USP4: variants seen among roughly 807,000 people sequenced by gnomAD.
USP4 encodes the protein ubiquitin specific peptidase 4.
USP4 carries 72 observed loss-of-function variants against 118.2 expected under a neutral mutation model. The ratio of observed to expected loss-of-function variants is 0.61; its 90% CI spans 0.50 to 0.74. The LOEUF (loss-of-function observed/expected upper bound fraction) is 0.74. Ranked by LOEUF, USP4 falls within the 30% of genes least tolerant of loss-of-function variation. USP4 has a pLI of 0.00. For synonymous variants in USP4, 415 were observed against 440.4 expected (o/e 0.94, Z 0.72); for missense variants, 1,037 against 1,185.7 (o/e 0.87, Z 1.84).
In USP4 at chr3:49,283,249, T is replaced by C. The variant is rs572527657; in HGVS notation, c.2540+738A>G. On this transcript the variant is annotated intron_variant, in intron 19 of 21. Coordinates refer to ENST00000265560, the MANE Select transcript of USP4 (RefSeq NM_003363.4). Reference sequence around the variant, plus strand: ...CAGGATGGTCTCGATCTCCAGACCTTGTGATCTGCCCACCTTGGCCTCCCA... The same window carrying C: ...CAGGATGGTCTCGATCTCCAGACCTCGTGATCTGCCCACCTTGGCCTCCCA... Among the ~76,000 whole-genome samples the C allele has an allele frequency of 8.8e-3, 1,266 of 143,922 alleles. 17 individuals are homozygous for C. The highest frequency in any genetic ancestry group is 0.028 in the African/African-American group (1,085 of 38,676). The allele number at this position is 143,922 out of a possible 152,430, so 94.4% of individuals were successfully genotyped here.
chr3:49,338,611 G>A (rs1324945456), intron 1 of USP4, among the ~76,000 whole-genome samples: 59 of 142,954 alleles, frequency 4.1e-4, no homozygotes, highest in Non-Finnish European at 7.0e-4. Flanking sequence ...GCCGTGACCC[G>A]AGATCGCGCC....
chr3:49,328,373 T>C (rs1244434371), intron 2 of USP4, among the ~76,000 whole-genome samples: 1 of 151,560 alleles, frequency 6.6e-6, no homozygotes, highest in Non-Finnish European at 1.5e-5. Context: ...AAATAAATCA[T>C]ACATGAGGTG....
chr3:49,310,109 C>CA (rs1428497270), intron 8 of USP4, among the ~76,000 whole-genome samples: 1 of 150,844 alleles, frequency 6.6e-6, no homozygotes, highest in Non-Finnish European at 1.5e-5. Flanking sequence ...CCACCACACC[C>CA]AGCTAATTTT....
chr3:49,298,453 TAAC>T, intron 12 of USP4, 96 bp downstream of exon 12: 4 of 1,147,894 alleles, frequency 3.5e-6, no homozygotes, highest in South Asian at 1.3e-5. Flanking sequence ...GTGCTGGCAA[TAAC>T]AACAACCCCA....
At chr3:49,280,982 T>C (rs936608049) in intron 19 of USP4, 135 bp from the exon 20 acceptor site, 5 of 636,594 alleles carry the variant, frequency 7.9e-6, no homozygotes, top group African/African-American at 1.8e-5. Context: ...GAGACCAAGA[T>C]GGAAGGGACT....
intron 4 of USP4, among the ~76,000 whole-genome samples, chr3:49,325,330 G>C (rs1365597428): frequency 6.6e-6 from 1 of 151,878 alleles, no homozygotes; most frequent in Non-Finnish European, 1.5e-5. Flanking sequence ...GGCTTCAAAA[G>C]CTAGCTCCAC....
At chr3:49,282,778 G>A (rs1257164290) in intron 19 of USP4, among the ~76,000 whole-genome samples, 1 of 150,724 alleles carries the variant, frequency 6.6e-6, no homozygotes, top group African/African-American at 2.4e-5. Flanking sequence ...CACAATCTTG[G>A]CTCACTGCAA....
At chr3:49,296,432 G>A (rs570354152) in intron 13 of USP4, among the ~76,000 whole-genome samples, 4 of 152,194 alleles carry the variant, frequency 2.6e-5, no homozygotes, top group South Asian at 2.1e-4. Context: ...GGTGGATCAC[G>A]AGGTCAGGAG....
At chr3:49,316,955 AGCTGC>A (rs781136040) in intron 6 of USP4, 3 of 631,082 alleles carry the variant, frequency 4.8e-6, no homozygotes, top group Non-Finnish European at 8.4e-6. Flanking sequence ...GGAGGTTGGC[AGCTGC>A]CCCTCTTAGC....
intron 10 of USP4, among the ~76,000 whole-genome samples, 194 bp downstream of exon 10, chr3:49,302,190 A>T (rs901396181): frequency 3.7e-5 from 5 of 133,846 alleles, no homozygotes; most frequent in Admixed American, 7.6e-5. Context: ...GTCTCTATTT[A>T]AAAAAAAAAA....
chr3:49,291,028 G>T (rs2047145982), intron 15 of USP4, among the ~76,000 whole-genome samples: 1 of 151,864 alleles, frequency 6.6e-6, no homozygotes, highest in African/African-American at 2.4e-5. Context: ...GAGTGCAGTG[G>T]CGTGATCTTG....
chr3:49,301,832 T>C (rs893799554), intron 10 of USP4, among the ~76,000 whole-genome samples: 1 of 152,204 alleles, frequency 6.6e-6, no homozygotes, highest in African/African-American at 2.4e-5. Flanking sequence ...GCTGAAATAC[T>C]AAAATCCTCT....
intron 15 of USP4, among the ~76,000 whole-genome samples, chr3:49,291,061 C>A (rs35136441): frequency 6.6e-6 from 1 of 151,640 alleles, no homozygotes; most frequent in Admixed American, 6.6e-5. Context: ...CTCTGCCTCC[C>A]GGGTTCACGC....
At chr3:49,311,732 C>A in intron 6 of USP4, 78 bp from the exon 7 acceptor site, 1 of 1,549,188 alleles carries the variant, frequency 6.5e-7, no homozygotes. Flanking sequence ...GGTTGCTTCT[C>A]AAGGAATAAA....
Position 49,304,217 on chromosome 3 carries a change from C to T in USP4, c.1128+1498G>A, listed in dbSNP as rs531143166. Among the ~76,000 whole-genome samples, 7 of 152,062 alleles carry T rather than the reference C, an allele frequency of 4.6e-5. No individual in the cohort carries two copies. In the East Asian group the frequency reaches 1.3e-3, roughly 29 times the overall value. ...ACTGAGCTAAGGTGCTATTTTTTTTCCTCTCTGAATCATAAATATGCATGT... is the reference window on the plus strand; with the variant it reads ...ACTGAGCTAAGGTGCTATTTTTTTTTCTCTCTGAATCATAAATATGCATGT... On this transcript the variant is annotated intron_variant, in intron 9 of 21. Transcript: ENST00000265560.
intron 8 of USP4, among the ~76,000 whole-genome samples, chr3:49,309,941 A>ATTTTTTTTTT (rs2047365541): frequency 5.8e-4 from 9 of 15,394 alleles, no homozygotes; most frequent in African/African-American, 9.4e-4. Context: ...CTTTTTTTTA[A>ATTTTTTTTTT]TCTTTTTTTT....
In USP4 at chr3:49,337,302, G is replaced by A. The variant is rs532965359; in HGVS notation, c.102-1706C>T. Among the ~76,000 whole-genome samples the A allele has an allele frequency of 4.1e-4, 62 of 151,858 alleles. 1 individual carries two copies. Among genetic ancestry groups the A allele is most frequent in the Admixed American group, 7.9e-4 (12 of 15,226 alleles). On this transcript the variant is annotated intron_variant, in intron 1 of 21. Coordinates refer to ENST00000265560, the MANE Select transcript of USP4 (RefSeq NM_003363.4). ...AAAAAAAAAAAAGTACATAACATGC[G>A]TGTACATATATAAATATACACATAC... is the stretch of plus-strand genomic sequence containing the variant.
At chr3:49,324,616 A>G (rs2047532497) in intron 6 of USP4, 86 bp downstream of exon 6, 1 of 1,279,300 alleles carries the variant, frequency 7.8e-7, no homozygotes, top group Non-Finnish European at 1.1e-6. Context: ...AATCAGAACA[A>G]TTTTTCTTAG....
intron 8 of USP4, among the ~76,000 whole-genome samples, chr3:49,309,103 C>T (rs758401006): frequency 5.3e-5 from 8 of 150,868 alleles, no homozygotes; most frequent in Non-Finnish European, 8.9e-5. Context: ...AGAAGCTCTA[C>T]ATTTTGATCC....
Sources: allele counts gnomAD v4.1 joint callset (sites outside exome capture counted in the v4.1 genomes callset), GRCh38; gene constraint gnomAD v4.1.1; transcripts MANE v1.5; gene names NCBI Gene and HGNC (gene_info 2026-07-23, HGNC 2026-07-21).